The following DDX31 variants were observed in gnomAD, a reference collection of about 807,000 sequenced individuals.
DDX31 encodes ATP-dependent DNA helicase DDX31.
In DDX31, 70 loss-of-function variants were observed where a neutral mutation model predicts 91.3. The ratio of observed to expected loss-of-function variants is 0.77; its 90% CI spans 0.63 to 0.94. The LOEUF is 0.94. Ranked by LOEUF, DDX31 falls within the 40% of genes least tolerant of loss-of-function variation. The probability of loss-of-function intolerance (pLI) is 0.00; values close to 1 mark genes in which losing one functional copy is unlikely to be tolerated. For missense variants in DDX31, 902 were observed against 925.0 expected (o/e 0.98, Z 0.32); for synonymous variants, 362 against 350.6 (o/e 1.03, Z -0.36).
rs1491406800 is a variant in DDX31 at position 132,632,239 on chromosome 9, T to TACACACACACACACACACACACACACA, written c.1441-149_1441-148insTGTGTGTGTGTGTGTGTGTGTGTGTGT. 8.0e-4 allele frequency: 43 copies of TACACACACACACACACACACACACACA among 53,476 alleles called. 3 individuals carry two copies. Among genetic ancestry groups the TACACACACACACACACACACACACACA allele is most frequent in the South Asian group, 1.8e-3 (6 of 3,358 alleles). 3.3% of individuals were successfully genotyped at this position (53,476 alleles called of 1,614,324 possible). A position where few individuals can be genotyped will look rare whatever the true frequency, so the allele number is the denominator to read the frequency against. ...GGCATACACGTATATGCCCAGTACG[T>TACACACACACACACACACACACACACA]GTACACACACACACACACACACACA... On this transcript the variant is annotated intron_variant, in intron 14 of 19. Coordinates refer to ENST00000372159, the MANE Select transcript of DDX31 (RefSeq NM_022779.9).
intron 5 of DDX31, 77 bp downstream of exon 5, chr9:132,659,633 G>C: frequency 6.9e-7 from 1 of 1,459,452 alleles, no homozygotes; most frequent in Non-Finnish European, 9.4e-7. Context: ...CACCAACCCA[G>C]ACACCGCATG....
chr9:132,661,335 G>T, intron 3 of DDX31, 84 bp from the exon 4 acceptor site: 1 of 1,170,862 alleles, frequency 8.5e-7, no homozygotes. Context: ...AGAAACTATT[G>T]AGAGAACATT....
At chr9:132,652,188 T>C (rs2130795597) in intron 7 of DDX31, among the ~76,000 whole-genome samples, 1 of 152,322 alleles carries the variant, frequency 6.6e-6, no homozygotes, top group African/African-American at 2.4e-5. Context: ...AGCAACTTAA[T>C]TCAAAACCCA....
chr9:132,645,769 C>T, intron 13 of DDX31, 126 bp downstream of exon 13: 4 of 1,054,762 alleles, frequency 3.8e-6, no homozygotes, highest in South Asian at 1.9e-5. Context: ...TCTTGACTTG[C>T]CCAGTGGAGT....
rs565178151 is a variant in DDX31 at position 132,669,930 on chromosome 9, G to T, written c.5C>A (p.Ala2Glu). 3 of 1,591,118 alleles carry T rather than the reference G, an allele frequency of 1.9e-6. No individual in the cohort carries two copies. The highest frequency in any genetic ancestry group is 2.3e-5 in the East Asian group (1 of 43,740). M[A>E]AADGSLFDNP... ...GTCGAAGAGCGAACCGTCGGCGGCT[G>T]CCATGGTCTGCGTGGGTGACGCGTG... is the stretch of plus-strand genomic sequence containing the variant. The change falls in exon 1 of 20, where the codon GCA (alanine) becomes GAA (glutamate). Residue 2 changes from alanine to glutamate, a missense_variant. Coordinates refer to ENST00000372159, the MANE Select transcript of DDX31 (RefSeq NM_022779.9).
intron 16 of DDX31, among the ~76,000 whole-genome samples, chr9:132,627,815 C>T (rs980620805): frequency 3.9e-5 from 6 of 152,196 alleles, no homozygotes; most frequent in East Asian, 1.9e-4. Context: ...CCCTTGCTGC[C>T]GAGAGCCTCG....
intron 19 of DDX31, among the ~76,000 whole-genome samples, chr9:132,602,596 GAAAA>G (rs1830780183): frequency 6.6e-6 from 1 of 152,088 alleles, no homozygotes; most frequent in Admixed American, 6.5e-5. Flanking sequence ...GAGGAAACTG[GAAAA>G]AAAGTTAGAT....
At chr9:132,607,196 C>T (rs1476745312) in intron 19 of DDX31, among the ~76,000 whole-genome samples, 1 of 152,198 alleles carries the variant, frequency 6.6e-6, no homozygotes, top group African/African-American at 2.4e-5. Context: ...GTCCCACTTC[C>T]CCTCTTCCTA....
intron 6 of DDX31, among the ~76,000 whole-genome samples, chr9:132,654,945 CAAAAAAAAAA>C (rs140953433): frequency 4.4e-5 from 4 of 90,228 alleles, no homozygotes; most frequent in Non-Finnish European, 6.6e-5. Context: ...GACTCTGTCT[CAAAAAAAAAA>C]AAAAAAAAAG....
chr9:132,666,706 G>T (rs1425677217), intron 1 of DDX31, among the ~76,000 whole-genome samples: 2 of 146,460 alleles, frequency 1.4e-5, no homozygotes, highest in East Asian at 2.0e-4. Flanking sequence ...TTTGTTTTTT[G>T]TTTTTGTTTT....
At position 132,669,955 on chromosome 9, in the gene DDX31, G is replaced by A. The variant is rs531570799; in HGVS notation, c.-21C>T. 1.0e-5 allele frequency: 16 copies of A among 1,584,380 alleles called. No homozygotes were observed. The East Asian group carries it at 2.8e-4, about 27-fold the overall frequency. On this transcript the variant is annotated 5_prime_UTR_variant, in exon 1 of 20. Transcript: ENST00000372159. Reference sequence around the variant, plus strand: ...GCCATGGTCTGCGTGGGTGACGCGTGGTGCAGCAGCGAGCCCGGTGCGCAG... The same window carrying A: ...GCCATGGTCTGCGTGGGTGACGCGTAGTGCAGCAGCGAGCCCGGTGCGCAG...
intron 1 of DDX31, among the ~76,000 whole-genome samples, chr9:132,665,030 G>A (rs923804546): frequency 2.0e-5 from 3 of 152,094 alleles, no homozygotes; most frequent in Non-Finnish European, 2.9e-5. Context: ...CCTGGCACCC[G>A]TATTCTCCTC....
intron 18 of DDX31, among the ~76,000 whole-genome samples, chr9:132,614,650 T>C (rs1831531238): frequency 6.6e-6 from 1 of 152,216 alleles, no homozygotes; most frequent in African/African-American, 2.4e-5. Context: ...GCTTCCACCC[T>C]GGTCACCTCT....
chr9:132,633,291 G>A (rs1361803897), intron 14 of DDX31, among the ~76,000 whole-genome samples: 5 of 152,116 alleles, frequency 3.3e-5, no homozygotes, highest in African/African-American at 1.2e-4. Flanking sequence ...CTATGGCAGG[G>A]AATTGGGTAG....
At position 132,618,456 on chromosome 9, in the gene DDX31, G is replaced by A. The variant is rs553727216; in HGVS notation, c.1714-15C>T. On this transcript the variant is annotated splice_polypyrimidine_tract_variant and intron_variant, in intron 17 of 19. Coordinates refer to ENST00000372159, the MANE Select transcript of DDX31 (RefSeq NM_022779.9). ...GCATGGGATTTCTGAGAGGGCGACG[G>A]AAGGATTAAAGGAGAGATAGAGTCA... The A allele has an allele frequency of 6.2e-7, 1 of 1,604,056 alleles. No homozygotes were observed. Among genetic ancestry groups the A allele is most frequent in the African/African-American group, 1.3e-5 (1 of 74,734 alleles).
At chr9:132,669,079 C>T (rs958807858) in intron 1 of DDX31, among the ~76,000 whole-genome samples, 28 of 152,028 alleles carry the variant, frequency 1.8e-4, no homozygotes, top group African/African-American at 6.5e-4. Flanking sequence ...ATTGTGGAGA[C>T]CAAGGTTCTT....
chr9:132,598,615 G>A (rs574731217), intron 19 of DDX31, among the ~76,000 whole-genome samples: 47 of 152,292 alleles, frequency 3.1e-4, no homozygotes, highest in African/African-American at 1.1e-3. Context: ...AAGAGAGATC[G>A]CAGGGCCTTC....
rs766033569 is a variant in DDX31 at position 132,645,917 on chromosome 9, A to G, written c.1358T>C (p.Leu453Pro). 6.2e-7 allele frequency: 1 copy of G among 1,613,446 alleles called. No individual in the cohort carries two copies. Among genetic ancestry groups the G allele is most frequent in the Non-Finnish European group, 8.5e-7 (1 of 1,179,682 alleles). Reference protein sequence around the residue: ...SASMRLKFLRLHGGMEQEERT... With the variant: ...SASMRLKFLRPHGGMEQEERT... ...CACCTCCTGCTCCATGCCGCCATGC[A>G]GCCGTAGGAATTTTAATCGCATGGA... is the stretch of plus-strand genomic sequence containing the variant. The change falls in exon 13 of 20, where the codon CTG (leucine) becomes CCG (proline). Residue 453 changes from leucine to proline, a missense_variant. Coordinates refer to ENST00000372159, the MANE Select transcript of DDX31 (RefSeq NM_022779.9).
chr9:132,630,366 C>A lies in DDX31; in HGVS notation c.1529G>T (p.Arg510Leu). 6.2e-7 allele frequency: 1 copy of A among 1,603,488 alleles called. No homozygotes were observed. The highest frequency in any genetic ancestry group is 1.1e-5 in the South Asian group (1 of 90,384). ...APSSPAEYIH[R>L]IGRTARIGCH... Reference sequence around the variant, plus strand: ...GCCAATCCGGGCGGTTCTTCCAATCCGGTGGATGTATTCTGCAGGTGAAGA... The same window carrying A: ...GCCAATCCGGGCGGTTCTTCCAATCAGGTGGATGTATTCTGCAGGTGAAGA... The change falls in exon 16 of 20, where the codon CGG becomes CTG. Residue 510 changes from arginine to leucine, a missense_variant. By Grantham distance (102) the Arg-to-Leu change is moderately radical. Coordinates refer to ENST00000372159, the MANE Select transcript of DDX31 (RefSeq NM_022779.9).
Sources: gnomAD v4.1 joint callset for allele counts (sites outside exome capture counted in the v4.1 genomes callset) on GRCh38, gnomAD v4.1.1 for gene constraint, MANE v1.5 for transcripts, NCBI Gene and HGNC (gene_info 2026-07-23, HGNC 2026-07-21) for gene names.